Variants in HPSE2 observed in about 807,000 individuals in gnomAD.
HPSE2 encodes heparanase 2 (inactive), also known as inactive heparanase-2.
In HPSE2, 38 loss-of-function variants were observed where a neutral mutation model predicts 60.5. The ratio of observed to expected loss-of-function variants is 0.63; its 90% CI spans 0.48 to 0.82. The LOEUF is 0.82. HPSE2 is among the 40% of genes least tolerant of loss of function. The probability of loss-of-function intolerance (pLI) is 0.00; values close to 1 mark genes in which losing one functional copy is unlikely to be tolerated. For synonymous variants in HPSE2, 295 were observed against 293.2 expected (o/e 1.01, Z -0.06); for missense variants, 713 against 740.4 (o/e 0.96, Z 0.43).
At chr10:98,726,694 A>T (rs1949092791) in intron 4 of HPSE2, among the ~76,000 whole-genome samples, 1 of 151,268 alleles carries the variant, frequency 6.6e-6, no homozygotes, top group Admixed American at 6.6e-5. Flanking sequence ...AAATTTGGGG[A>T]ATAAGGCAGC....
intron 11 of HPSE2, 92 bp from the exon 12 acceptor site, chr10:98,459,831 G>A: frequency 8.6e-7 from 1 of 1,165,422 alleles, no homozygotes; most frequent in Non-Finnish European, 1.3e-6. Context: ...GGCAGTGTCT[G>A]ATACACACAC....
intron 3 of HPSE2, among the ~76,000 whole-genome samples, chr10:99,134,262 G>C (rs997952568): frequency 1.3e-5 from 2 of 152,170 alleles, no homozygotes; most frequent in African/African-American, 2.4e-5. Context: ...ACCTGAAAGC[G>C]ATGAGGAGAA....
At position 98,854,451 on chromosome 10, in the gene HPSE2, A is replaced by T. The variant is rs997942203; in HGVS notation, c.611-110395T>A. On this transcript the variant is annotated intron_variant, in intron 3 of 11. Transcript: ENST00000370552. ...TTTCTTTGCTTGTCAAGGCCAACTC[A>T]TAACTTTTCAACTTCTCATTTAGGA... Among the ~76,000 whole-genome samples the T allele has an allele frequency of 3.3e-5, 5 of 152,308 alleles. No individual in the cohort carries two copies. In the East Asian group the frequency reaches 9.6e-4, roughly 29 times the overall value.
At chr10:98,917,102 G>A (rs1954140940) in intron 3 of HPSE2, among the ~76,000 whole-genome samples, 1 of 152,054 alleles carries the variant, frequency 6.6e-6, no homozygotes, top group South Asian at 2.1e-4. Flanking sequence ...TGTTGGGGGT[G>A]TATGAAAGGA....
intron 6 of HPSE2, among the ~76,000 whole-genome samples, chr10:98,684,534 T>C (rs1290334102): frequency 6.6e-6 from 1 of 152,152 alleles, no homozygotes; most frequent in African/African-American, 2.4e-5. Context: ...GTAACAAAAA[T>C]GTAAACCATA....
chr10:98,560,487 T>G (rs1944140635), intron 9 of HPSE2, among the ~76,000 whole-genome samples: 1 of 152,252 alleles, frequency 6.6e-6, no homozygotes, highest in Non-Finnish European at 1.5e-5. Context: ...GATCTCCTGA[T>G]GAACCCTAAG....
At chr10:98,683,731 G>T (rs566451615) in intron 6 of HPSE2, among the ~76,000 whole-genome samples, 2 of 152,048 alleles carry the variant, frequency 1.3e-5, no homozygotes, top group East Asian at 1.9e-4. Context: ...CAGAAGGAAT[G>T]CACAAAAAAG....
intron 3 of HPSE2, among the ~76,000 whole-genome samples, chr10:99,027,647 A>G (rs1957407709): frequency 6.6e-6 from 1 of 150,762 alleles, no homozygotes; most frequent in Non-Finnish European, 1.5e-5. Context: ...AATCAGACAA[A>G]GACACATGAC....
chr10:98,921,147 TATA>T (rs1181542574), intron 3 of HPSE2, among the ~76,000 whole-genome samples: 3 of 152,158 alleles, frequency 2.0e-5, no homozygotes, highest in African/African-American at 7.2e-5. Flanking sequence ...GTAAACTGAA[TATA>T]ATACTAGTAC....
At chr10:98,666,018 G>C (rs1045329157) in intron 6 of HPSE2, among the ~76,000 whole-genome samples, 52 of 152,146 alleles carry the variant, frequency 3.4e-4, no homozygotes, top group African/African-American at 1.2e-3. Context: ...AGACCCAACT[G>C]TCTGCTGTCT....
chr10:98,879,411 A>G (rs1419158352), intron 3 of HPSE2, among the ~76,000 whole-genome samples: 1 of 152,068 alleles, frequency 6.6e-6, no homozygotes, highest in East Asian at 1.9e-4. Context: ...TCTATACACA[A>G]TACATACACT....
chr10:98,924,278 A>T (rs770271890), intron 3 of HPSE2, among the ~76,000 whole-genome samples: 4 of 152,028 alleles, frequency 2.6e-5, no homozygotes, highest in Non-Finnish European at 5.9e-5. Flanking sequence ...TGATGCAATC[A>T]CCCCTGTGGC....
At chr10:99,215,132 A>G (rs894661195) in intron 2 of HPSE2, among the ~76,000 whole-genome samples, 2 of 152,192 alleles carry the variant, frequency 1.3e-5, no homozygotes, top group Non-Finnish European at 2.9e-5. Context: ...AACCTAAACT[A>G]TAAAAACACA....
chr10:98,711,112 TG>T (rs1743983088), intron 5 of HPSE2, among the ~76,000 whole-genome samples: 1 of 152,030 alleles, frequency 6.6e-6, no homozygotes. Flanking sequence ...GAAAGAGATC[TG>T]GAAGGCTCTG....
intron 3 of HPSE2, among the ~76,000 whole-genome samples, chr10:99,106,859 T>A (rs1246979850): frequency 6.6e-6 from 1 of 152,140 alleles, no homozygotes; most frequent in Non-Finnish European, 1.5e-5. Context: ...TAGGCCTTTC[T>A]GACTCTTAAG....
chr10:98,467,244 T>C (rs1466699471), intron 11 of HPSE2, among the ~76,000 whole-genome samples: 2 of 152,114 alleles, frequency 1.3e-5, no homozygotes, highest in Admixed American at 1.3e-4. Context: ...CTCCACTAGA[T>C]TGGAAGCCCA....
intron 3 of HPSE2, among the ~76,000 whole-genome samples, chr10:99,074,078 G>A (rs561800683): frequency 7.2e-5 from 11 of 151,844 alleles, no homozygotes; most frequent in Non-Finnish European, 1.2e-4. Flanking sequence ...CTCTGGCTAG[G>A]ACTTCCAGTA....
chr10:98,470,814 C>T (rs1286486503), intron 11 of HPSE2, among the ~76,000 whole-genome samples: 5 of 147,272 alleles, frequency 3.4e-5, no homozygotes, highest in Non-Finnish European at 4.5e-5. Flanking sequence ...GGGGATACCA[C>T]AGCCTTAATG....
intron 4 of HPSE2, among the ~76,000 whole-genome samples, chr10:98,731,559 T>C (rs968340323): frequency 9.2e-5 from 14 of 152,182 alleles, no homozygotes; most frequent in Admixed American, 8.5e-4. Flanking sequence ...CCAAAACTCA[T>C]CTGACAAAAT....
Sources: allele counts gnomAD v4.1 joint callset (sites outside exome capture counted in the v4.1 genomes callset), GRCh38; gene constraint gnomAD v4.1.1; transcripts MANE v1.5; gene names NCBI Gene and HGNC (gene_info 2026-07-23, HGNC 2026-07-21).